The following MON2 variants were observed in gnomAD, a reference collection of about 807,000 sequenced individuals.
MON2 encodes the protein MON2 regulator of endosome-to-Golgi trafficking, also known as protein MON2 homolog.
A neutral mutation model predicts 208.6 loss-of-function variants in MON2; 84 were observed. The ratio of observed to expected loss-of-function variants is 0.40; its 90% CI spans 0.34 to 0.48. MON2 has a LOEUF of 0.48. MON2 is among the 20% of genes least tolerant of loss of function. The probability of loss-of-function intolerance (pLI) is 0.59; values close to 1 mark genes in which losing one functional copy is unlikely to be tolerated. For missense variants in MON2, 1,611 were observed against 2,015.4 expected (o/e 0.80, Z 3.84); for synonymous variants, 660 against 694.0 (o/e 0.95, Z 0.77).
At chr12:62,583,056 G>A (rs1300627768) in intron 32 of MON2, among the ~76,000 whole-genome samples, 2 of 152,200 alleles carry the variant, frequency 1.3e-5, no homozygotes, top group Non-Finnish European at 2.9e-5. Flanking sequence ...AAGAAGGCTG[G>A]GCACGGTGGC....
chr12:62,525,322 G>T, intron 10 of MON2, 102 bp downstream of exon 10: 2 of 1,272,788 alleles, frequency 1.6e-6, no homozygotes, highest in South Asian at 1.4e-5. Flanking sequence ...GAGAAATTTG[G>T]GTTACCTAAA....
intron 12 of MON2, among the ~76,000 whole-genome samples, chr12:62,533,113 G>A (rs1384006269): frequency 6.6e-6 from 1 of 152,006 alleles, no homozygotes; most frequent in Non-Finnish European, 1.5e-5. Flanking sequence ...TTACTTTTTT[G>A]AGTACAAGTC....
chr12:62,470,337 A>C (rs1278058629), intron 1 of MON2, among the ~76,000 whole-genome samples: 1 of 152,158 alleles, frequency 6.6e-6, no homozygotes, highest in Non-Finnish European at 1.5e-5. Flanking sequence ...GGACTTCTAC[A>C]TGGTTTTTCC....
In MON2 at chr12:62,526,048, G is replaced by C; in HGVS notation, c.1346G>C (p.Gly449Ala). The C allele has an allele frequency of 6.2e-7, 1 of 1,613,810 alleles. No homozygotes were observed. The highest frequency in any genetic ancestry group is 1.3e-5 in the African/African-American group (1 of 74,992). Residue 449 changes from glycine (G) to alanine (A), a missense_variant, in exon 11 of 35, where the codon GGA becomes GCA. Gly to Ala is a moderately conservative substitution (Grantham distance 60). Coordinates refer to ENST00000393630, the MANE Select transcript of MON2 (RefSeq NM_015026.3). ...TTGCTACCAGCATTTGAATATAGGGGAACCTGGATACCTATTCTGACAATC... is the reference window on the plus strand; with the variant it reads ...TTGCTACCAGCATTTGAATATAGGGCAACCTGGATACCTATTCTGACAATC... ...VTLLPAFEYR[G>A]TWIPILTITV... is the part of the protein sequence containing the mutation.
At position 62,594,441 on chromosome 12, in the gene MON2, A is replaced by G. The variant is rs1425164250; in HGVS notation, c.*1692A>G. 3 of 152,196 alleles carry G rather than the reference A, an allele frequency of 2.0e-5. No homozygotes were observed. The highest frequency in any genetic ancestry group is 2.9e-5 in the Non-Finnish European group (2 of 68,002). The allele number at this position is 152,196 out of a possible 1,614,324, so 9.4% of individuals were successfully genotyped here. A position where few individuals can be genotyped will look rare whatever the true frequency, so the allele number is the denominator to read the frequency against. On this transcript the variant is annotated 3_prime_UTR_variant, in exon 35 of 35. Coordinates refer to ENST00000393630, the MANE Select transcript of MON2 (RefSeq NM_015026.3). ...ATTAAGGTAAAATATGGCATTTCAT[A>G]AGTTCTGCTTTCAGCATTTTCCTTA... is the stretch of plus-strand genomic sequence containing the variant.
rs11174557 is a variant in MON2 at position 62,585,436 on chromosome 12, G to A, written c.4842G>A (p.Arg1614=). ...TGGCACTCTCAGTGCTTTTAAAGAG[G>A]TCCCAAGATGTACTACATCGCTATA... The part of the protein sequence containing the change: ...SRMALSVLLK[R]SQDVLHRYIE... The change falls in exon 33 of 35, where the codon AGG becomes AGA. Residue 1614 remains arginine (R), a synonymous_variant. Coordinates refer to ENST00000393630, the MANE Select transcript of MON2 (RefSeq NM_015026.3). 0.16 allele frequency: 257,799 copies of A among 1,612,392 alleles called. 22,603 individuals are homozygous for A. The highest frequency in any genetic ancestry group is 0.25 in the Middle Eastern group (1,502 of 6,058).
chr12:62,470,019 C>T (rs905567868), intron 1 of MON2, among the ~76,000 whole-genome samples: 3 of 151,900 alleles, frequency 2.0e-5, no homozygotes, highest in African/African-American at 4.8e-5. Flanking sequence ...ATTCTCCCAC[C>T]TCAACCCCCT....
intron 11 of MON2, among the ~76,000 whole-genome samples, chr12:62,528,567 G>A (rs1022294144): frequency 1.3e-5 from 2 of 152,120 alleles, no homozygotes; most frequent in Admixed American, 1.3e-4. Flanking sequence ...TTTCTTTTAG[G>A]TTTATGGTAT....
intron 19 of MON2, among the ~76,000 whole-genome samples, chr12:62,542,597 G>A (rs1031876231): frequency 2.6e-5 from 4 of 152,098 alleles, no homozygotes; most frequent in Non-Finnish European, 5.9e-5. Flanking sequence ...TCTGATTATT[G>A]ATATGTCAGG....
chr12:62,549,689 A>C lies in MON2; in HGVS notation c.2775A>C (p.Ala925=). The C allele has an allele frequency of 6.2e-7, 1 of 1,606,770 alleles. No homozygotes were observed. The highest frequency in any genetic ancestry group is 8.5e-7 in the Non-Finnish European group (1 of 1,177,796). Residue 925 remains alanine (A), a synonymous_variant, in exon 23 of 35, where the codon GCA becomes GCC. Coordinates refer to ENST00000393630, the MANE Select transcript of MON2 (RefSeq NM_015026.3). ...TCAGAGAATCCTTGATACGAACTGC[A>C]TTCCAGTGTCTTCAGTTGGTTGTGA... is the stretch of plus-strand genomic sequence containing the variant. The part of the protein sequence containing the change: ...NDQGESLIRT[A]FQCLQLVVTD...
chr12:62,552,830 G>A, intron 23 of MON2, 51 bp from the exon 24 acceptor site: 1 of 1,455,384 alleles, frequency 6.9e-7, no homozygotes, highest in Non-Finnish European at 9.5e-7. Context: ...ATATTTATGT[G>A]TTTAAAACAA....
intron 2 of MON2, among the ~76,000 whole-genome samples, chr12:62,492,682 T>C (rs991144223): frequency 4.9e-5 from 7 of 143,270 alleles, no homozygotes; most frequent in African/African-American, 1.5e-4. Flanking sequence ...TTAGTTCTTA[T>C]AATAAAAAAT....
rs2073041628 is a variant in MON2, at chr12:62,537,665, G to C, written c.2077G>C (p.Val693Leu). 1 of 1,613,228 alleles carries C rather than the reference G, an allele frequency of 6.2e-7. No individual in the cohort carries two copies. Among genetic ancestry groups the C allele is most frequent in the Non-Finnish European group, 8.5e-7 (1 of 1,179,732 alleles). ...TAACTTGGCGCATTGCCATGGGGCT[G>C]TTCTTGGAACATCATGGCAACTTGT... ...LLNLAHCHGAVLGTSWQLVLA... is the reference protein window; with the variant it reads ...LLNLAHCHGALLGTSWQLVLA... The change falls in exon 16 of 35, where the codon GTT becomes CTT. Residue 693 changes from valine to leucine, a missense_variant. By Grantham distance (32) the Val-to-Leu change is conservative (BLOSUM62 1). Coordinates refer to ENST00000393630, the MANE Select transcript of MON2 (RefSeq NM_015026.3).
chr12:62,561,841 A>G (rs1238398235), intron 26 of MON2, among the ~76,000 whole-genome samples: 2 of 152,160 alleles, frequency 1.3e-5, no homozygotes. Flanking sequence ...CACACATGTT[A>G]TCAGTAACCA....
chr12:62,487,591 T>G (rs2069876938), intron 2 of MON2, among the ~76,000 whole-genome samples: 1 of 151,984 alleles, frequency 6.6e-6, no homozygotes, highest in Admixed American at 6.5e-5. Flanking sequence ...AAAAGATCTT[T>G]AAGTAGCAAT....
intron 7 of MON2, among the ~76,000 whole-genome samples, chr12:62,504,063 A>G (rs1018787936): frequency 2.0e-5 from 3 of 152,080 alleles, no homozygotes; most frequent in Admixed American, 1.3e-4. Context: ...GCAGGGATTT[A>G]GTACACTGTT....
intron 8 of MON2, among the ~76,000 whole-genome samples, chr12:62,509,894 T>A (rs1398017630): frequency 3.3e-5 from 5 of 151,068 alleles, no homozygotes; most frequent in African/African-American, 1.2e-4. Flanking sequence ...TTGAAAAGAT[T>A]AAGAAAATTA....
chr12:62,520,319 C>G (rs2071955639), intron 8 of MON2, among the ~76,000 whole-genome samples: 1 of 152,044 alleles, frequency 6.6e-6, no homozygotes, highest in African/African-American at 2.4e-5. Flanking sequence ...TCAGAAGAGT[C>G]TTAGGTTATA....
intron 30 of MON2, among the ~76,000 whole-genome samples, chr12:62,577,454 T>C (rs945349999): frequency 6.6e-6 from 1 of 152,118 alleles, no homozygotes; most frequent in African/African-American, 2.4e-5. Context: ...CTGATGCCCA[T>C]ATATTCCTAT....
Sources: allele counts gnomAD v4.1 joint callset (sites outside exome capture counted in the v4.1 genomes callset), GRCh38; gene constraint gnomAD v4.1.1; transcripts MANE v1.5; gene names NCBI Gene and HGNC (gene_info 2026-07-23, HGNC 2026-07-21).